XNDC1N: variants seen among roughly 807,000 people sequenced by gnomAD.
XNDC1N encodes the protein protein XNDC1N.
At chr11:71,886,322 G>A in the XNDC1N span, among the ~76,000 whole-genome samples, 26 of 150,432 alleles carry the variant, frequency 1.7e-4, no homozygotes, top group Non-Finnish European at 2.5e-4. Context: ...GAAGAAAGGC[G>A]GAGAGTCCTC....
chr11:71,902,738 G>T, the XNDC1N span, among the ~76,000 whole-genome samples: 1 of 152,198 alleles, frequency 6.6e-6, no homozygotes, highest in Admixed American at 6.5e-5. Context: ...GTTTACAAAT[G>T]TTCTAAATCA....
chr11:71,889,990 G>A, the XNDC1N span, among the ~76,000 whole-genome samples: 3 of 152,142 alleles, frequency 2.0e-5, no homozygotes, highest in Non-Finnish European at 4.4e-5. Context: ...GGTTGCCTTG[G>A]TACAGAAGAC....
the XNDC1N span, chr11:71,893,464 A>G: frequency 1.4e-6 from 1 of 726,928 alleles, no homozygotes; most frequent in African/African-American, 1.7e-5. Flanking sequence ...TCCAAGACAC[A>G]CAGAGCCACG....
the XNDC1N span, among the ~76,000 whole-genome samples, chr11:71,912,447 G>A: frequency 1.3e-5 from 2 of 152,098 alleles, no homozygotes; most frequent in Admixed American, 6.5e-5. Flanking sequence ...ATACCACAGT[G>A]CGGGTATACG....
At chr11:71,902,355 C>A in the XNDC1N span, among the ~76,000 whole-genome samples, 1 of 152,176 alleles carries the variant, frequency 6.6e-6, no homozygotes, top group Non-Finnish European at 1.5e-5. Flanking sequence ...CCATACCGGG[C>A]GAAGTGTTTG....
chr11:71,914,854 C>T, the XNDC1N span, among the ~76,000 whole-genome samples: 4 of 152,122 alleles, frequency 2.6e-5, no homozygotes. Flanking sequence ...GGTGAAGATG[C>T]TGCAAACATT....
chr11:71,922,288 GT>G, the XNDC1N span, among the ~76,000 whole-genome samples: 5 of 151,614 alleles, frequency 3.3e-5, no homozygotes, highest in African/African-American at 4.9e-5. Flanking sequence ...TCCTCTAAGG[GT>G]TTTTTTGTTT....
At chr11:71,928,392 C>G in the XNDC1N span, 1 of 688,262 alleles carries the variant, frequency 1.5e-6, no homozygotes, top group Non-Finnish European at 2.7e-6. Context: ...GAGGAGCCAC[C>G]GTTGCCTCGG....
the XNDC1N span, among the ~76,000 whole-genome samples, chr11:71,873,174 TGTTA>T: frequency 1.3e-5 from 2 of 152,196 alleles, no homozygotes; most frequent in Non-Finnish European, 1.5e-5. Flanking sequence ...CTATTTATTT[TGTTA>T]TTTATTTCGA....
chr11:71,918,770 C>T, the XNDC1N span: 2 of 629,956 alleles, frequency 3.2e-6, no homozygotes, highest in Non-Finnish European at 2.9e-6. Flanking sequence ...CCAGGTAAAA[C>T]TTATTCCATA....
chr11:71,870,986 A>G, the XNDC1N span, among the ~76,000 whole-genome samples: 1 of 152,220 alleles, frequency 6.6e-6, no homozygotes, highest in East Asian at 1.9e-4. Context: ...CTGAACAAAA[A>G]TAAAAATAAA....
the XNDC1N span, among the ~76,000 whole-genome samples, chr11:71,881,464 G>A: frequency 6.6e-6 from 1 of 152,048 alleles, no homozygotes; most frequent in Non-Finnish European, 1.5e-5. Flanking sequence ...AGCACATTTG[G>A]TTTCTCCTGA....
chr11:71,898,207 A>T, the XNDC1N span, among the ~76,000 whole-genome samples: 1 of 150,026 alleles, frequency 6.7e-6, no homozygotes, highest in African/African-American at 2.5e-5. Flanking sequence ...ACAAAATAAA[A>T]CCAAATGAAA....
At chr11:71,928,376 G>A in the XNDC1N span, 1 of 677,798 alleles carries the variant, frequency 1.5e-6, no homozygotes, top group Admixed American at 2.1e-5. Context: ...CGGGACCGTG[G>A]ACCTCGAGGA....
the XNDC1N span, among the ~76,000 whole-genome samples, chr11:71,877,204 T>C: frequency 7.9e-5 from 12 of 152,326 alleles, no homozygotes; most frequent in Non-Finnish European, 1.3e-4. Context: ...ATTATAGAAG[T>C]AGCACCAAGA....
At chr11:71,896,818 C>T in the XNDC1N span, among the ~76,000 whole-genome samples, 1 of 152,246 alleles carries the variant, frequency 6.6e-6, no homozygotes, top group Non-Finnish European at 1.5e-5. Context: ...CCCGCCTCGG[C>T]CTCCCAAAGG....
the XNDC1N span, among the ~76,000 whole-genome samples, chr11:71,872,126 C>T: frequency 6.6e-6 from 1 of 152,086 alleles, no homozygotes; most frequent in Non-Finnish European, 1.5e-5. Context: ...CATGGATGAA[C>T]TTCCACAACA....
chr11:71,925,070 C>T, the XNDC1N span, among the ~76,000 whole-genome samples: 1 of 151,782 alleles, frequency 6.6e-6, no homozygotes, highest in South Asian at 2.1e-4. Context: ...CTTTCTCTTT[C>T]CCATTTACCA....
At chr11:71,897,474 G>A in the XNDC1N span, among the ~76,000 whole-genome samples, 12,207 of 152,164 alleles carry the variant, frequency 0.08, 863 homozygotes, top group African/African-American at 0.19. Context: ...AAGCATCTAA[G>A]GTGATGTTCA....
Sources: allele counts gnomAD v4.1 joint callset (sites outside exome capture counted in the v4.1 genomes callset), GRCh38; gene constraint gnomAD v4.1.1; transcripts MANE v1.5; gene names NCBI Gene and HGNC (gene_info 2026-07-23, HGNC 2026-07-21).